Variants in REV3L observed in about 807,000 individuals in gnomAD.
REV3L encodes DNA polymerase zeta catalytic subunit.
A neutral mutation model predicts 299.4 loss-of-function variants in REV3L; 69 were observed. The observed-to-expected ratio is 0.23, with a 90% CI of 0.19 to 0.28. The LOEUF (loss-of-function observed/expected upper bound fraction) is 0.28. REV3L is among the 10% of genes least tolerant of loss of function. The pLI, the probability that REV3L is intolerant of heterozygous loss-of-function variation, is 1.00. For synonymous variants in REV3L, 1,238 were observed against 1,271.4 expected (o/e 0.97, Z 0.56); for missense variants, 3,128 against 3,693.8 (o/e 0.85, Z 3.97).
intron 28 of REV3L, chr6:111,312,448 G>C (rs1773085816): frequency 6.6e-6 from 1 of 152,138 alleles, no homozygotes; most frequent in African/African-American, 2.4e-5. Context: ...AAATATCAGG[G>C]TTATTATGGT....
chr6:111,453,747 G>A lies in REV3L; in HGVS notation c.139+29003C>T, dbSNP rs185261228. 3.8e-3 allele frequency among the ~76,000 whole-genome samples: 586 copies of A among 152,280 alleles called. 7 individuals carry two copies. Among genetic ancestry groups the A allele is most frequent in the African/African-American group, 0.013 (558 of 41,538 alleles). The stretch of plus-strand genomic sequence containing the variant: ...GTCTATAATCCCAGCACTTTGGGAG[G>A]CTGAGGCGGGTAGATCACTTGAGGT... On this transcript the variant is annotated intron_variant, in intron 1 of 31. Transcript: ENST00000368802.
intron 1 of REV3L, among the ~76,000 whole-genome samples, chr6:111,477,235 C>T (rs1793051356): frequency 6.6e-6 from 1 of 152,132 alleles, no homozygotes; most frequent in Admixed American, 6.5e-5. Context: ...ATTTATTAAT[C>T]CTTGCCACAA....
chr6:111,366,329 G>C (rs1049805238), intron 14 of REV3L, among the ~76,000 whole-genome samples: 1 of 152,106 alleles, frequency 6.6e-6, no homozygotes, highest in African/African-American at 2.4e-5. Flanking sequence ...GCTTAAAAGA[G>C]AGATCTGAAC....
At chr6:111,382,778 G>C (rs975298654) in intron 9 of REV3L, among the ~76,000 whole-genome samples, 2 of 152,088 alleles carry the variant, frequency 1.3e-5, no homozygotes, top group African/African-American at 2.4e-5. Context: ...AGAATTATTT[G>C]TGTCACCCCC....
At chr6:111,307,902 A>G (rs966497915) in intron 30 of REV3L, 1 of 296,112 alleles carries the variant, frequency 3.4e-6, no homozygotes, top group African/African-American at 2.2e-5. Flanking sequence ...CATCATTTAC[A>G]TTAGGTATTT....
chr6:111,359,385 T>A (rs1184716319), intron 16 of REV3L, among the ~76,000 whole-genome samples: 2 of 152,102 alleles, frequency 1.3e-5, no homozygotes, highest in Admixed American at 1.3e-4. Context: ...CTATATAGTT[T>A]TACCTGTAGT....
chr6:111,423,087 A>G (rs896939357), intron 1 of REV3L, among the ~76,000 whole-genome samples: 8 of 152,112 alleles, frequency 5.3e-5, no homozygotes, highest in Non-Finnish European at 1.2e-4. Flanking sequence ...TAATTTCTCT[A>G]CTCAAGTAAT....
At chr6:111,372,104 A>G (rs1472912133) in intron 13 of REV3L, among the ~76,000 whole-genome samples, 1 of 152,230 alleles carries the variant, frequency 6.6e-6, no homozygotes, top group Admixed American at 6.5e-5. Context: ...AACCACATGA[A>G]AAGTGGTTTA....
chr6:111,460,901 A>C (rs1168697696), intron 1 of REV3L, among the ~76,000 whole-genome samples: 1 of 152,106 alleles, frequency 6.6e-6, no homozygotes, highest in African/African-American at 2.4e-5. Context: ...TCCTAGTTGT[A>C]TTAACATTGT....
Position 111,400,435 on chromosome 6 carries a change from A to G in REV3L, c.565+5035T>C, listed in dbSNP as rs1782969263. On this transcript the variant is annotated intron_variant, in intron 4 of 31. Coordinates refer to ENST00000368802, the MANE Select transcript of REV3L (RefSeq NM_001372078.1). ...GAATTGTAGTCATTCTAATAGGTAT[A>G]TAGTGGTAGCCCTTTGTAGTTTTAA... Among the ~76,000 whole-genome samples the G allele has an allele frequency of 3.9e-5, 6 of 152,284 alleles. No individual in the cohort carries two copies. The South Asian group carries it at 1.2e-3, about 32-fold the overall frequency.
chr6:111,428,083 C>T (rs375909464), intron 1 of REV3L, among the ~76,000 whole-genome samples: 3 of 150,624 alleles, frequency 2.0e-5, no homozygotes, highest in Admixed American at 6.6e-5. Context: ...CAAGCATATT[C>T]GATAAAAACC....
chr6:111,318,424 G>A lies in REV3L; in HGVS notation c.8352-3043C>T, dbSNP rs188042028. 2.3e-3 allele frequency among the ~76,000 whole-genome samples: 348 copies of A among 152,158 alleles called. 1 individual carries two copies. The highest frequency in any genetic ancestry group is 7.8e-3 in the African/African-American group (323 of 41,522). On this transcript the variant is annotated intron_variant, in intron 26 of 31. Transcript: ENST00000368802. ...TAGGATTACAGGTGTGACCGTGCCC[G>A]GCCAGGTTTTCTTTTTTCTAAGATA...
chr6:111,431,159 A>G, intron 1 of REV3L: 2 of 1,552,928 alleles, frequency 1.3e-6, no homozygotes, highest in Non-Finnish European at 1.8e-6. Flanking sequence ...CTCAGCAGCC[A>G]TGAGTTTTTG....
chr6:111,363,728 TGAA>T (rs1778930390), intron 16 of REV3L, 122 bp downstream of exon 16: 1 of 848,796 alleles, frequency 1.2e-6, no homozygotes, highest in Non-Finnish European at 1.7e-6. Context: ...GAGAACAAGA[TGAA>T]GATTAATAGG....
chr6:111,331,550 GAGATAAAATATTCA>G, intron 24 of REV3L, 112 bp downstream of exon 24: 1 of 545,080 alleles, frequency 1.8e-6, no homozygotes, highest in Non-Finnish European at 3.1e-6. Flanking sequence ...TTGACTTTTT[GAGATAAAATATTCA>G]AGCAAACTCG....
At position 111,325,264 on chromosome 6, in the gene REV3L, T is replaced by C. The variant is rs534761624; in HGVS notation, c.8242-2586A>G. 3.3e-5 allele frequency among the ~76,000 whole-genome samples: 5 copies of C among 152,316 alleles called. No individual in the cohort carries two copies. In the South Asian group the frequency reaches 8.3e-4, roughly 25 times the overall value. ...CAGACAATTTTTTAAAAGGCACAAA[T>C]ATACCTTTATCATAAATATGAATGA... On this transcript the variant is annotated intron_variant, in intron 25 of 31. Transcript: ENST00000368802.
chr6:111,371,621 T>C (rs1779804751), intron 13 of REV3L, among the ~76,000 whole-genome samples: 1 of 151,152 alleles, frequency 6.6e-6, no homozygotes, highest in Admixed American at 6.6e-5. Context: ...CAAAGTGCAG[T>C]GGCGTGATCT....
chr6:111,412,285 C>T (rs536998008), intron 2 of REV3L: 7 of 984,654 alleles, frequency 7.1e-6, no homozygotes, highest in East Asian at 1.1e-4. Flanking sequence ...AGTTTTTTCT[C>T]GGGGTATCAG....
rs374521801 is a variant in REV3L at position 111,411,563 on chromosome 6, T to C, written c.330-9A>G. On this transcript the variant is annotated splice_polypyrimidine_tract_variant and intron_variant, in intron 2 of 31. Coordinates refer to ENST00000368802, the MANE Select transcript of REV3L (RefSeq NM_001372078.1). ...GATAACCATAAAAAGGCCTGAAATATAAGAAAAAAAATTTCAAATTATTTT... is the reference window on the plus strand; with the variant it reads ...GATAACCATAAAAAGGCCTGAAATACAAGAAAAAAAATTTCAAATTATTTT... The C allele has an allele frequency of 2.9e-5, 43 of 1,498,876 alleles. No individual in the cohort carries two copies. The African/African-American group carries it at 5.8e-4, about 20-fold the overall frequency. The allele number at this position is 1,498,876 out of a possible 1,614,324, so 92.8% of individuals were successfully genotyped here. A position where few individuals can be genotyped will look rare whatever the true frequency, so the allele number is the denominator to read the frequency against.
Sources: gnomAD v4.1 joint callset for allele counts (sites outside exome capture counted in the v4.1 genomes callset) on GRCh38, gnomAD v4.1.1 for gene constraint, MANE v1.5 for transcripts, NCBI Gene and HGNC (gene_info 2026-07-23, HGNC 2026-07-21) for gene names.